SRPK1: variants seen among roughly 807,000 people sequenced by gnomAD.
SRPK1 encodes SRSF protein kinase 1, also known as SFRS protein kinase 1.
Under a neutral mutation model 89.5 loss-of-function variants are expected in SRPK1, and 52 were observed. The observed-to-expected ratio is 0.58, with a 90% CI of 0.46 to 0.73. SRPK1 has a LOEUF of 0.73. Among genes scored for constraint, SRPK1 ranks in the 30% least tolerant of loss-of-function variants. SRPK1 has a pLI of 0.00. For missense variants in SRPK1, 603 were observed against 780.6 expected, an observed-to-expected ratio of 0.77 and a Z score of 2.71; for synonymous variants, 255 against 270.2, an observed-to-expected ratio of 0.94 and a Z score of 0.55.
chr6:35,891,508 T>G (rs774399601), intron 2 of SRPK1, among the ~76,000 whole-genome samples: 1 of 151,988 alleles, frequency 6.6e-6, no homozygotes, highest in Non-Finnish European at 1.5e-5. Context: ...TCACCTGAGG[T>G]CAGGAGTTCG....
chr6:35,858,953 C>T (rs1234038620), intron 12 of SRPK1, among the ~76,000 whole-genome samples: 1 of 152,072 alleles, frequency 6.6e-6, no homozygotes, highest in Non-Finnish European at 1.5e-5. Context: ...TGTATCTGTA[C>T]ATATTAAAGT....
chr6:35,863,396 G>A (rs893281404), intron 12 of SRPK1, among the ~76,000 whole-genome samples: 1 of 149,276 alleles, frequency 6.7e-6, no homozygotes, highest in Non-Finnish European at 1.5e-5. Context: ...GTTAAAGGTT[G>A]CAACAAGCCA....
Position 35,863,375 on chromosome 6 carries a change from T to C in SRPK1, c.1512+5635A>G, listed in dbSNP as rs192106699. ...AGGAGGCTGGGGCAGGAGGACTGCT[T>C]GAGCCCAGGAGTTAAAGGTTGCAAC... is the stretch of plus-strand genomic sequence containing the variant. On this transcript the variant is annotated intron_variant, in intron 12 of 15. Transcript: ENST00000373825. Among the ~76,000 whole-genome samples, 891 of 151,364 alleles carry C rather than the reference T, an allele frequency of 5.9e-3. 4 individuals are homozygous for C. Among genetic ancestry groups the C allele is most frequent in the Middle Eastern group, 0.01 (3 of 292 alleles).
intron 5 of SRPK1, among the ~76,000 whole-genome samples, chr6:35,887,670 G>T (rs1455290842): frequency 6.6e-6 from 1 of 151,912 alleles, no homozygotes; most frequent in East Asian, 1.9e-4. Context: ...CAACAAAAAA[G>T]ATGCTATACA....
chr6:35,838,237 A>T, intron 15 of SRPK1, 100 bp downstream of exon 15: 1 of 818,946 alleles, frequency 1.2e-6, no homozygotes, highest in Non-Finnish European at 1.8e-6. Context: ...TTAGCATTCA[A>T]GGCAGGCCCA....
chr6:35,919,766 G>A (rs1771187459), intron 2 of SRPK1, among the ~76,000 whole-genome samples: 1 of 152,184 alleles, frequency 6.6e-6, no homozygotes, highest in Non-Finnish European at 1.5e-5. Flanking sequence ...CGCTTAATAC[G>A]CCAAACCAGA....
rs558674125 is a variant in SRPK1 at position 35,920,216 on chromosome 6, C to G, written c.74+252G>C. The G allele has an allele frequency of 1.7e-5, 10 of 592,514 alleles. 1 individual carries two copies. Among genetic ancestry groups the G allele is most frequent in the South Asian group, 1.2e-4 (8 of 65,706 alleles). The allele number at this position is 592,514 out of a possible 1,614,324, so 36.7% of individuals were successfully genotyped here. ...TCTGTGGAGTTGGGGAGGAAAGGTA[C>G]CGGGCGGGCTCTGGTCCTCCTCCGA... is the stretch of plus-strand genomic sequence containing the variant. On this transcript the variant is annotated intron_variant, in intron 2 of 15. Transcript: ENST00000373825.
In SRPK1 at chr6:35,876,624, A is replaced by T. The variant is rs369607146; in HGVS notation, c.479-2285T>A. On this transcript the variant is annotated intron_variant, in intron 6 of 15. Transcript: ENST00000373825. Reference sequence around the variant, plus strand: ...GCCACGGCACTCCAGCCTGAGTGACACAGTGACACCCCGTCACAAAAACAA... The same window carrying T: ...GCCACGGCACTCCAGCCTGAGTGACTCAGTGACACCCCGTCACAAAAACAA... Among the ~76,000 whole-genome samples, 6 of 152,328 alleles carry T rather than the reference A, an allele frequency of 3.9e-5. No homozygotes were observed. The East Asian group carries it at 1.2e-3, about 29-fold the overall frequency.
At position 35,870,349 on chromosome 6, in the gene SRPK1, T is replaced by C; in HGVS notation, c.923A>G (p.Glu308Gly). 1.2e-6 allele frequency: 2 copies of C among 1,613,016 alleles called. No homozygotes were observed. The highest frequency in any genetic ancestry group is 1.7e-6 in the Non-Finnish European group (2 of 1,179,450). ...PGQKRPNKQE[E>G]SESPVERPLK... ...GGGTCTTTCAACAGGACTCTCTGATTCTTCTTGCTTGTTTGGTCTTTTTTG... is the reference window on the plus strand; with the variant it reads ...GGGTCTTTCAACAGGACTCTCTGATCCTTCTTGCTTGTTTGGTCTTTTTTG... Residue 308 changes from glutamate to glycine, a missense_variant, in exon 10 of 16, where the codon GAA becomes GGA. By Grantham distance (98) the Glu-to-Gly change is moderately conservative. Coordinates refer to ENST00000373825, the MANE Select transcript of SRPK1 (RefSeq NM_003137.5).
intron 6 of SRPK1, among the ~76,000 whole-genome samples, chr6:35,881,360 C>A (rs983770088): frequency 9.9e-5 from 15 of 151,900 alleles, no homozygotes; most frequent in Admixed American, 9.8e-4. Flanking sequence ...ATTTAAAAAA[C>A]CAATATGTCA....
At chr6:35,835,714 C>T (rs1769164384) in intron 15 of SRPK1, among the ~76,000 whole-genome samples, 1 of 152,018 alleles carries the variant, frequency 6.6e-6, no homozygotes, top group African/African-American at 2.4e-5. Flanking sequence ...TGTTTTCTCC[C>T]CTATTCTAGG....
chr6:35,864,617 C>A lies in SRPK1; in HGVS notation c.1512+4393G>T, dbSNP rs2127240727. Among the ~76,000 whole-genome samples the A allele has an allele frequency of 1.3e-5, 2 of 152,250 alleles. 1 individual carries two copies. Among genetic ancestry groups the A allele is most frequent in the South Asian group, 4.1e-4 (2 of 4,824 alleles). On this transcript the variant is annotated intron_variant, in intron 12 of 15. Transcript: ENST00000373825. ...GATAGGAATATAAACTGGTTACAAC[C>A]ACCATGGAGAACAGTTTGGAGGTCC...
At chr6:35,861,460 G>T in intron 12 of SRPK1, among the ~76,000 whole-genome samples, 1 of 152,208 alleles carries the variant, frequency 6.6e-6, no homozygotes, top group African/African-American at 2.4e-5. Flanking sequence ...GGGATCTGAA[G>T]ATGCAGCTGC....
At chr6:35,880,030 C>T in intron 6 of SRPK1, among the ~76,000 whole-genome samples, 1 of 147,618 alleles carries the variant, frequency 6.8e-6, no homozygotes, top group East Asian at 2.0e-4. Context: ...CACGGCACTC[C>T]AGCCTGGGTG....
At chr6:35,906,860 C>T (rs1770857524) in intron 2 of SRPK1, among the ~76,000 whole-genome samples, 1 of 152,086 alleles carries the variant, frequency 6.6e-6, no homozygotes, top group Admixed American at 6.5e-5. Flanking sequence ...ATGGACTAAA[C>T]CACAAATACG....
intron 2 of SRPK1, among the ~76,000 whole-genome samples, chr6:35,919,849 T>C (rs922437176): frequency 2.6e-5 from 4 of 152,160 alleles, no homozygotes; most frequent in South Asian, 2.1e-4. Flanking sequence ...CTGCATCTGG[T>C]TGAGGTTTAG....
In SRPK1 at chr6:35,869,620, T is replaced by C; in HGVS notation, c.1273A>G (p.Met425Val). Reference protein sequence around the residue: ...TPITSEVSDTMVCQSSSTVGQ... With the variant: ...TPITSEVSDTVVCQSSSTVGQ... ...ACAGTTGAGGAAGACTGGCACACCA[T>C]GGTGTCTGACACCTCAGATGTTATA... Residue 425 changes from methionine to valine, a missense_variant, in exon 11 of 16, where the codon ATG becomes GTG. Met to Val is a conservative substitution (Grantham distance 21). Coordinates refer to ENST00000373825, the MANE Select transcript of SRPK1 (RefSeq NM_003137.5). 1 of 1,613,992 alleles carries C rather than the reference T, an allele frequency of 6.2e-7. No homozygotes were observed. Among genetic ancestry groups the C allele is most frequent in the African/African-American group, 1.3e-5 (1 of 75,046 alleles).
chr6:35,912,172 AAAAAAAAT>A (rs1371092668), intron 2 of SRPK1, among the ~76,000 whole-genome samples: 1 of 151,836 alleles, frequency 6.6e-6, no homozygotes, highest in Non-Finnish European at 1.5e-5. Context: ...TCCATCCCTT[AAAAAAAAT>A]AAAAAAATAA....
rs1200548312 is a variant in SRPK1, at chr6:35,834,926, G to C, written c.*378C>G. 2.5e-5 allele frequency: 4 copies of C among 161,400 alleles called. No homozygotes were observed. Among genetic ancestry groups the C allele is most frequent in the African/African-American group, 9.6e-5 (4 of 41,672 alleles). The allele number at this position is 161,400 out of a possible 1,614,324, so 10.0% of individuals were successfully genotyped here. A position where few individuals can be genotyped will look rare whatever the true frequency, so the allele number is the denominator to read the frequency against. ...TATGCTGGCAATAGGATATGCACTA[G>C]AAAATTTGACTCTTAGAGTCAATGA... On this transcript the variant is annotated 3_prime_UTR_variant, in exon 16 of 16. Coordinates refer to ENST00000373825, the MANE Select transcript of SRPK1 (RefSeq NM_003137.5).
Sources: gnomAD v4.1 joint callset for allele counts (sites outside exome capture counted in the v4.1 genomes callset) on GRCh38, gnomAD v4.1.1 for gene constraint, MANE v1.5 for transcripts, NCBI Gene and HGNC (gene_info 2026-07-23, HGNC 2026-07-21) for gene names.